The following ZNF521 variants were observed in gnomAD, a reference collection of about 807,000 sequenced individuals.
ZNF521 encodes LYST-interacting protein 3.
ZNF521 carries 14 observed loss-of-function variants against 105.5 expected under a neutral mutation model. That is an observed-to-expected ratio of 0.13 (90% CI 0.09 to 0.21). ZNF521 has a LOEUF of 0.21. ZNF521 is among the 10% of genes least tolerant of loss of function. The pLI is 1.00. For missense variants in ZNF521, 1,233 were observed against 1,629.7 expected (o/e 0.76, Z 4.19); for synonymous variants, 635 against 606.0 (o/e 1.05, Z -0.70).
intron 3 of ZNF521, among the ~76,000 whole-genome samples, chr18:25,248,020 C>T (rs1907848507): frequency 6.6e-6 from 1 of 152,102 alleles, no homozygotes; most frequent in South Asian, 2.1e-4. Flanking sequence ...TGGTTTACTG[C>T]AAATATTTGC....
chr18:25,316,845 G>C (rs1912648822), intron 3 of ZNF521, among the ~76,000 whole-genome samples: 1 of 108,174 alleles, frequency 9.2e-6, no homozygotes, highest in Admixed American at 1.1e-4. Context: ...TGGCAAGTAA[G>C]ACTTTTTTTT....
At chr18:25,249,425 G>A (rs1275361364) in intron 3 of ZNF521, among the ~76,000 whole-genome samples, 1 of 151,266 alleles carries the variant, frequency 6.6e-6, no homozygotes, top group Non-Finnish European at 1.5e-5. Flanking sequence ...CCTAAGTGCT[G>A]GGATTACAGG....
chr18:25,126,569 C>T, intron 5 of ZNF521, among the ~76,000 whole-genome samples: 1 of 152,042 alleles, frequency 6.6e-6, no homozygotes. Flanking sequence ...TAAGTAAAGT[C>T]ACTCATGAAT....
intron 4 of ZNF521, among the ~76,000 whole-genome samples, chr18:25,204,405 T>G (rs1232703474): frequency 3.3e-5 from 5 of 152,040 alleles, no homozygotes; most frequent in Admixed American, 3.3e-4. Context: ...AATAATTGAG[T>G]GGAGTCTTCA....
intron 3 of ZNF521, among the ~76,000 whole-genome samples, chr18:25,239,364 G>A (rs1402873135): frequency 6.6e-6 from 1 of 152,166 alleles, no homozygotes; most frequent in African/African-American, 2.4e-5. Flanking sequence ...ACATAGTTCT[G>A]AGTAGACAGC....
intron 5 of ZNF521, among the ~76,000 whole-genome samples, chr18:25,146,966 A>G (rs945514937): frequency 1.3e-5 from 2 of 152,170 alleles, no homozygotes; most frequent in South Asian, 2.1e-4. Context: ...ATGTGTGACA[A>G]AGATAGTAGG....
chr18:25,223,836 C>T (rs549944265), intron 4 of ZNF521, among the ~76,000 whole-genome samples: 1 of 152,164 alleles, frequency 6.6e-6, no homozygotes, highest in South Asian at 2.1e-4. Flanking sequence ...AAGTATTTTC[C>T]TCTCTACCCA....
At chr18:25,189,972 C>G (rs1272248654) in intron 5 of ZNF521, among the ~76,000 whole-genome samples, 2 of 152,196 alleles carry the variant, frequency 1.3e-5, no homozygotes, top group African/African-American at 4.8e-5. Context: ...AATATCATGA[C>G]AGCTGAGGAG....
At position 25,089,633 on chromosome 18, in the gene ZNF521, TC is replaced by T. The variant is rs1221989887; in HGVS notation, c.3791-54del. ...GGGTTATTTTGTTTCCGAAATGCCC[TC>T]AGTCGATGACTCTGCATGAACAGAC... On this transcript the variant is annotated intron_variant, in intron 6 of 7. Transcript: ENST00000361524. 6 of 1,447,524 alleles carry T rather than the reference TC, an allele frequency of 4.1e-6. No individual in the cohort carries two copies. The East Asian group carries it at 1.4e-4, about 33-fold the overall frequency. 89.7% of individuals were successfully genotyped at this position (1,447,524 alleles called of 1,614,324 possible).
chr18:25,197,184 T>A (rs570236136), intron 4 of ZNF521, among the ~76,000 whole-genome samples: 1 of 151,832 alleles, frequency 6.6e-6, no homozygotes, highest in Non-Finnish European at 1.5e-5. Context: ...ATTAATTCTC[T>A]CCACTCATAA....
At chr18:25,132,829 G>A (rs1255774824) in intron 5 of ZNF521, among the ~76,000 whole-genome samples, 5 of 152,158 alleles carry the variant, frequency 3.3e-5, no homozygotes, top group African/African-American at 1.2e-4. Context: ...AAAGGAACAC[G>A]CTGCCTGTCA....
At chr18:25,219,682 T>C (rs1163439102) in intron 4 of ZNF521, among the ~76,000 whole-genome samples, 1 of 151,984 alleles carries the variant, frequency 6.6e-6, no homozygotes, top group Non-Finnish European at 1.5e-5. Flanking sequence ...CCAGGCATGG[T>C]GGCATGAGCC....
intron 3 of ZNF521, among the ~76,000 whole-genome samples, chr18:25,290,723 G>C (rs1031193103): frequency 1.1e-4 from 17 of 149,716 alleles, no homozygotes; most frequent in African/African-American, 4.2e-4. Flanking sequence ...CAATTCTCGT[G>C]CCTCAGCCTC....
intron 3 of ZNF521, among the ~76,000 whole-genome samples, chr18:25,297,595 A>G (rs1911395924): frequency 6.6e-6 from 1 of 152,180 alleles, no homozygotes; most frequent in Admixed American, 6.5e-5. Flanking sequence ...TCGTAATACT[A>G]TGAAAGTTCA....
At chr18:25,310,993 G>C (rs1023803130) in intron 3 of ZNF521, among the ~76,000 whole-genome samples, 1 of 152,150 alleles carries the variant, frequency 6.6e-6, no homozygotes, top group African/African-American at 2.4e-5. Flanking sequence ...GCTCCAGTTG[G>C]AACAAAGATG....
intron 5 of ZNF521, among the ~76,000 whole-genome samples, chr18:25,146,144 A>C (rs2034939097): frequency 6.6e-6 from 1 of 152,182 alleles, no homozygotes; most frequent in Non-Finnish European, 1.5e-5. Context: ...GCCCCATGTC[A>C]CACAGCTAGC....
Position 25,227,373 on chromosome 18 carries a change from G to A in ZNF521, c.545C>T (p.Ala182Val), listed in dbSNP as rs1906233551. 4 of 1,614,144 alleles carry A rather than the reference G, an allele frequency of 2.5e-6. No homozygotes were observed. The highest frequency in any genetic ancestry group is 1.7e-6 in the Non-Finnish European group (2 of 1,180,022). ...KKYHCSECDA[A>V]FSRSDHLKIH... is the part of the protein sequence containing the mutation. Reference sequence around the variant, plus strand: ...CTTCAAGTGATCACTTCTGGAAAACGCAGCATCACATTCACTGCAGTGGTA... The same window carrying A: ...CTTCAAGTGATCACTTCTGGAAAACACAGCATCACATTCACTGCAGTGGTA... Residue 182 changes from alanine to valine, a missense_variant, in exon 4 of 8, where the codon GCG becomes GTG. Ala to Val is a moderately conservative substitution (Grantham distance 64). Coordinates refer to ENST00000361524, the MANE Select transcript of ZNF521 (RefSeq NM_015461.3). This position sits in a 1 kb window ranked among gnomAD's most constrained non-coding sequence, Gnocchi z 5.7.
intron 5 of ZNF521, among the ~76,000 whole-genome samples, chr18:25,145,105 T>C (rs2034919213): frequency 6.6e-6 from 1 of 152,174 alleles, no homozygotes; most frequent in South Asian, 2.1e-4. Flanking sequence ...GTTGTGGACA[T>C]AGTTTTCCAT....
At chr18:25,075,441 G>A (rs1287119752) in intron 7 of ZNF521, among the ~76,000 whole-genome samples, 1 of 152,082 alleles carries the variant, frequency 6.6e-6, no homozygotes, top group Non-Finnish European at 1.5e-5. Context: ...CCTGCCACCG[G>A]GCTCTTTACT....
Sources: gnomAD v4.1 joint callset for allele counts (sites outside exome capture counted in the v4.1 genomes callset) on GRCh38, gnomAD v4.1.1 for gene constraint, Gnocchi (gnomAD v3.1) non-coding constraint, MANE v1.5 for transcripts, NCBI Gene and HGNC (gene_info 2026-07-23, HGNC 2026-07-21) for gene names.